Variants in NWD2 observed in about 807,000 individuals in gnomAD.
NWD2 encodes NACHT and WD repeat domain containing 2.
A neutral mutation model predicts 132.7 loss-of-function variants in NWD2; 37 were observed. The ratio of observed to expected loss-of-function variants is 0.28; its 90% CI spans 0.21 to 0.37. NWD2 has a LOEUF of 0.37. Among genes scored for constraint, NWD2 ranks in the 10% least tolerant of loss-of-function variants. NWD2 has a pLI of 1.00. For missense variants in NWD2, 1,592 were observed against 2,122.4 expected (o/e 0.75, Z 4.91); for synonymous variants, 705 against 803.0 (o/e 0.88, Z 2.06).
chr4:37,281,752 T>A (rs186922377), intron 1 of NWD2, among the ~76,000 whole-genome samples: 2 of 152,296 alleles, frequency 1.3e-5, no homozygotes, highest in East Asian at 3.9e-4. Flanking sequence ...AAGATAATGG[T>A]GAGATCAATA....
At chr4:37,304,399 T>C (rs1015710511) in intron 1 of NWD2, among the ~76,000 whole-genome samples, 1 of 152,220 alleles carries the variant, frequency 6.6e-6, no homozygotes, top group Non-Finnish European at 1.5e-5. Context: ...CCTTCTCACA[T>C]TGCAAAATAC....
Position 37,439,191 on chromosome 4 carries a change from C to G in NWD2, c.1097C>G (p.Thr366Ser). Residue 366 changes from threonine to serine, a missense_variant, in exon 6 of 7, where the codon ACT (threonine) becomes AGT (serine). By Grantham distance (58) the Thr-to-Ser change is moderately conservative. Transcript: ENST00000309447. This position sits in a 1 kb window ranked among gnomAD's most constrained non-coding sequence, Gnocchi z 4.5. ...ATIQQNFDTETDTLYDEILQH... is the reference protein window; with the variant it reads ...ATIQQNFDTESDTLYDEILQH... ...ATACAACAGAATTTTGACACTGAAA[C>G]TGATACACTCTATGATGAAATCCTT... 6.5e-7 allele frequency: 1 copy of G among 1,550,260 alleles called. No individual in the cohort carries two copies. Among genetic ancestry groups the G allele is most frequent in the Non-Finnish European group, 8.7e-7 (1 of 1,146,322 alleles).
intron 3 of NWD2, among the ~76,000 whole-genome samples, chr4:37,373,267 A>G (rs1432194431): frequency 6.6e-6 from 1 of 152,016 alleles, no homozygotes. Flanking sequence ...GGTCATAACT[A>G]CTCTCTTTCT....
intron 3 of NWD2, among the ~76,000 whole-genome samples, chr4:37,418,485 G>T (rs1181934078): frequency 6.6e-6 from 1 of 152,050 alleles, no homozygotes; most frequent in Non-Finnish European, 1.5e-5. Flanking sequence ...GTATGAAAAT[G>T]AGGGGAGAGG....
chr4:37,420,187 T>C lies in NWD2; in HGVS notation c.358-10385T>C, dbSNP rs75795224. Among the ~76,000 whole-genome samples the C allele has an allele frequency of 6.3e-3, 961 of 152,354 alleles. 3 individuals are homozygous for C. The highest frequency in any genetic ancestry group is 0.014 in the Middle Eastern group (4 of 294). On this transcript the variant is annotated intron_variant, in intron 3 of 6. Transcript: ENST00000309447. The stretch of plus-strand genomic sequence containing the variant: ...GTTACCTGTTCATGTCCTTTGTCCA[T>C]TGTTCCATTGCTCTATAACAGCTCT...
chr4:37,327,116 T>C (rs1004361643), intron 2 of NWD2, among the ~76,000 whole-genome samples: 1 of 152,160 alleles, frequency 6.6e-6, no homozygotes, highest in Admixed American at 6.6e-5. Context: ...AGGGTCCCAA[T>C]TGTTACATAA....
chr4:37,424,653 C>T (rs988117484), intron 3 of NWD2, among the ~76,000 whole-genome samples: 4 of 152,122 alleles, frequency 2.6e-5, no homozygotes, highest in African/African-American at 9.7e-5. Flanking sequence ...GAGTGGAGAT[C>T]TCTTTTCCTT....
chr4:37,286,726 G>A (rs1009281298), intron 1 of NWD2, among the ~76,000 whole-genome samples: 1 of 152,182 alleles, frequency 6.6e-6, no homozygotes, highest in Non-Finnish European at 1.5e-5. Context: ...GGGCTTTCAT[G>A]AGGTTTGGTG....
At chr4:37,269,028 C>T (rs1454152628) in intron 1 of NWD2, among the ~76,000 whole-genome samples, 2 of 151,842 alleles carry the variant, frequency 1.3e-5, no homozygotes, top group Non-Finnish European at 2.9e-5. Context: ...TCAGATTTCC[C>T]ACAGCAGTGA....
At chr4:37,413,923 A>G (rs1721211579) in intron 3 of NWD2, among the ~76,000 whole-genome samples, 3 of 152,112 alleles carry the variant, frequency 2.0e-5, no homozygotes, top group Admixed American at 1.3e-4. Context: ...TTGAACAATG[A>G]GAACACATGG....
chr4:37,306,616 T>C (rs80128988), intron 1 of NWD2, among the ~76,000 whole-genome samples: 3,857 of 152,270 alleles, frequency 0.025, 175 homozygotes, highest in African/African-American at 0.089. Flanking sequence ...CAGTTTCTCT[T>C]GTTGTTGATT....
intron 3 of NWD2, among the ~76,000 whole-genome samples, chr4:37,368,568 ATTAG>A (rs1190011697): frequency 3.9e-5 from 6 of 152,262 alleles, no homozygotes; most frequent in East Asian, 3.9e-4. Context: ...ATAATATAAT[ATTAG>A]TTAGCTGCTA....
chr4:37,440,929 G>T (rs1313890279), intron 6 of NWD2, among the ~76,000 whole-genome samples: 2 of 152,138 alleles, frequency 1.3e-5, no homozygotes, highest in African/African-American at 2.4e-5. Context: ...TTAAGAACAG[G>T]ACTTTCTTTA....
intron 1 of NWD2, among the ~76,000 whole-genome samples, chr4:37,276,858 A>G (rs1172460856): frequency 1.3e-5 from 2 of 152,194 alleles, no homozygotes; most frequent in Middle Eastern, 3.4e-3. Context: ...GCTGGAAACC[A>G]TCATTCTCAG....
intron 1 of NWD2, among the ~76,000 whole-genome samples, chr4:37,271,967 A>T (rs1311262491): frequency 1.3e-5 from 2 of 151,758 alleles, no homozygotes; most frequent in Non-Finnish European, 3.0e-5. Context: ...TCAGATTGAG[A>T]ATGTTCCCAT....
chr4:37,431,907 A>C (rs1712188996), intron 4 of NWD2, among the ~76,000 whole-genome samples: 1 of 152,098 alleles, frequency 6.6e-6, no homozygotes, highest in African/African-American at 2.4e-5. Context: ...ATTTTTACTT[A>C]TTAATATTGG....
At chr4:37,358,705 A>G (rs979948796) in intron 3 of NWD2, among the ~76,000 whole-genome samples, 5 of 152,172 alleles carry the variant, frequency 3.3e-5, no homozygotes, top group Admixed American at 1.3e-4. Flanking sequence ...CTGAGAATCA[A>G]ATGAAATTAC....
At chr4:37,300,929 G>A (rs1718600690) in intron 1 of NWD2, among the ~76,000 whole-genome samples, 1 of 151,908 alleles carries the variant, frequency 6.6e-6, no homozygotes, top group Middle Eastern at 3.2e-3. Flanking sequence ...TAATACTTAG[G>A]CTTAGCTATG....
chr4:37,336,712 G>A (rs137983256), intron 2 of NWD2, among the ~76,000 whole-genome samples: 1,648 of 152,204 alleles, frequency 0.011, 30 homozygotes, highest in African/African-American at 0.036. Context: ...AGGCCGAGGC[G>A]GGTGGATCAC....
Sources: allele counts gnomAD v4.1 joint callset (sites outside exome capture counted in the v4.1 genomes callset), GRCh38; gene constraint gnomAD v4.1.1; non-coding constraint Gnocchi (gnomAD v3.1); transcripts MANE v1.5; gene names NCBI Gene and HGNC (gene_info 2026-07-23, HGNC 2026-07-21).